The following WDR17 variants were observed in gnomAD, a reference collection of about 807,000 sequenced individuals.
The protein encoded by WDR17 is WD repeat-containing protein 17.
WDR17 carries 143 observed loss-of-function variants against 161.7 expected under a neutral mutation model. The ratio of observed to expected loss-of-function variants is 0.88; its 90% CI spans 0.77 to 1.02. WDR17 has a LOEUF of 1.02. Ranked by LOEUF, WDR17 falls within the 50% of genes least tolerant of loss-of-function variation. The pLI, the probability that WDR17 is intolerant of heterozygous loss-of-function variation, is 0.00. For synonymous variants in WDR17, 517 were observed against 515.6 expected, an observed-to-expected ratio of 1.00 and a Z score of -0.04; for missense variants, 1,469 against 1,520.9, an observed-to-expected ratio of 0.97 and a Z score of 0.57.
At chr4:176,115,469 G>T (rs1476564868) in intron 2 of WDR17, among the ~76,000 whole-genome samples, 1 of 151,644 alleles carries the variant, frequency 6.6e-6, no homozygotes. Context: ...AAAACCAAGG[G>T]TTTTTTCTTC....
chr4:176,168,811 T>A (rs1262641623), intron 23 of WDR17, 28 bp downstream of exon 23: 1 of 1,599,698 alleles, frequency 6.3e-7, no homozygotes, highest in African/African-American at 1.3e-5. Flanking sequence ...AATATTCTGG[T>A]TTGGAATGCA....
intron 16 of WDR17, among the ~76,000 whole-genome samples, chr4:176,151,143 G>C (rs1747042193): frequency 6.6e-6 from 1 of 152,166 alleles, no homozygotes; most frequent in South Asian, 2.1e-4. Flanking sequence ...TGCTCATAAA[G>C]AGCAGTTTTT....
chr4:176,089,715 G>T lies in WDR17; in HGVS notation c.-6-21860G>T, dbSNP rs532562247. 5.3e-5 allele frequency among the ~76,000 whole-genome samples: 8 copies of T among 152,248 alleles called. No homozygotes were observed. The East Asian group carries it at 1.4e-3, about 26-fold the overall frequency. On this transcript the variant is annotated intron_variant, in intron 1 of 28. Coordinates refer to ENST00000508596, the MANE Select transcript of WDR17 (RefSeq NM_181265.4). ...TTTTGCATTTCCTCAAACAGTGGCA[G>T]ATCTATGTCTTGTTTTTGGACAGAA...
At chr4:176,111,819 T>C in intron 2 of WDR17, 116 bp downstream of exon 2, 1 of 1,026,626 alleles carries the variant, frequency 9.7e-7, no homozygotes, top group Non-Finnish European at 1.3e-6. Flanking sequence ...CCATTTATAT[T>C]TATATTTTTA....
In WDR17 at chr4:176,150,520, A is replaced by G; in HGVS notation, c.2231A>G (p.Gln744Arg). ...LWNLVAVIKG[Q>R]DDSLLPQNYC... ...AACTTGGTTGCTGTGATAAAAGGAC[A>G]GGATGATAGCTTACTTCCTCAGAAC... is the stretch of plus-strand genomic sequence containing the variant. The change falls in exon 16 of 29, where the codon CAG becomes CGG. Residue 744 changes from glutamine (Q) to arginine (R), a missense_variant. Physicochemically the swap from Gln to Arg is conservative, Grantham distance 43. Coordinates refer to ENST00000508596, the MANE Select transcript of WDR17 (RefSeq NM_181265.4). 3 of 1,612,374 alleles carry G rather than the reference A, an allele frequency of 1.9e-6. No individual in the cohort carries two copies. The highest frequency in any genetic ancestry group is 1.1e-5 in the South Asian group (1 of 90,514).
At chr4:176,136,846 T>C (rs187710960) in intron 8 of WDR17, among the ~76,000 whole-genome samples, 10 of 151,674 alleles carry the variant, frequency 6.6e-5, no homozygotes, top group Admixed American at 6.6e-4. Context: ...TATCATTAAG[T>C]AGTTTCTTCA....
chr4:176,073,640 A>G (rs1473307348), intron 1 of WDR17, among the ~76,000 whole-genome samples: 2 of 149,510 alleles, frequency 1.3e-5, no homozygotes, highest in African/African-American at 2.4e-5. Flanking sequence ...TGGCTGGGTC[A>G]AATGGTATTT....
chr4:176,160,130 A>G lies in WDR17; in HGVS notation c.2658+4A>G. 6 of 1,613,242 alleles carry G rather than the reference A, an allele frequency of 3.7e-6. No individual in the cohort carries two copies. The highest frequency in any genetic ancestry group is 5.1e-6 in the Non-Finnish European group (6 of 1,179,498). ...AGAAGCTCTGCTTGTTGCACAGGTA[A>G]AACCACAGAACTACCCCAGTCACAT... On this transcript the variant is annotated splice_donor_region_variant and intron_variant, in intron 19 of 28. Coordinates refer to ENST00000508596, the MANE Select transcript of WDR17 (RefSeq NM_181265.4).
rs577596460 is a variant in WDR17 at position 176,163,225 on chromosome 4, G to C, written c.2922G>C (p.Glu974Asp). 4 of 1,613,134 alleles carry C rather than the reference G, an allele frequency of 2.5e-6. No homozygotes were observed. Among genetic ancestry groups the C allele is most frequent in the Non-Finnish European group, 3.4e-6 (4 of 1,179,668 alleles). Residue 974 changes from glutamate to aspartate, a missense_variant, in exon 22 of 29, where the codon GAG becomes GAC. Physicochemically the swap from Glu to Asp is conservative, Grantham distance 45. Coordinates refer to ENST00000508596, the MANE Select transcript of WDR17 (RefSeq NM_181265.4). ...TCTGTGTGGGCACAGTACTAGGAGA[G>C]TCTGCAGCACCAGCAACCCACTATG... Reference protein sequence around the residue: ...LAVCVGTVLGESAAPATHYAL... With the variant: ...LAVCVGTVLGDSAAPATHYAL...
At position 176,163,212 on chromosome 4, in the gene WDR17, C is replaced by G; in HGVS notation, c.2909C>G (p.Thr970Arg). 3 of 1,614,072 alleles carry G rather than the reference C, an allele frequency of 1.9e-6. No homozygotes were observed. Residue 970 changes from threonine (T) to arginine (R), a missense_variant, in exon 22 of 29, where the codon ACA becomes AGA. Thr to Arg is a moderately conservative substitution (Grantham distance 71). Transcript: ENST00000508596. The stretch of plus-strand genomic sequence containing the variant: ...CTGGAGTTGGCAGTCTGTGTGGGCA[C>G]AGTACTAGGAGAGTCTGCAGCACCA... ...NELELAVCVG[T>R]VLGESAAPAT...
intron 24 of WDR17, among the ~76,000 whole-genome samples, chr4:176,172,908 A>G (rs752829117): frequency 6.6e-6 from 1 of 152,186 alleles, no homozygotes; most frequent in African/African-American, 2.4e-5. Context: ...GCACTAAGCC[A>G]TTCATGAGGA....
chr4:176,077,301 A>T (rs1323193811), intron 1 of WDR17, among the ~76,000 whole-genome samples: 3 of 151,940 alleles, frequency 2.0e-5, no homozygotes, highest in Admixed American at 6.6e-5. Flanking sequence ...CAGGCCATGC[A>T]TGGTTTAATA....
intron 1 of WDR17, among the ~76,000 whole-genome samples, chr4:176,102,867 C>T (rs1196637742): frequency 1.3e-5 from 2 of 152,198 alleles, no homozygotes; most frequent in Non-Finnish European, 2.9e-5. Context: ...CTACTCATCC[C>T]TCACCTCAAG....
intron 22 of WDR17, among the ~76,000 whole-genome samples, chr4:176,163,539 C>T (rs182073484): frequency 6.6e-6 from 1 of 152,246 alleles, no homozygotes; most frequent in Non-Finnish European, 1.5e-5. Context: ...GTGTTTCAAG[C>T]ACTTAAAGTA....
chr4:176,149,864 C>G lies in WDR17; in HGVS notation c.1955C>G (p.Thr652Arg). Residue 652 changes from threonine (T) to arginine (R), a missense_variant, in exon 14 of 29, where the codon ACA becomes AGA. By Grantham distance (71) the Thr-to-Arg change is moderately conservative. Coordinates refer to ENST00000508596, the MANE Select transcript of WDR17 (RefSeq NM_181265.4). ...ATGGCCTCTTGCTCCCGTGACTCTA[C>G]AGTGAGACTCTGGTCATTAACAGCC... ...FTMASCSRDS[T>R]VRLWSLTALV... The G allele has an allele frequency of 6.2e-7, 1 of 1,614,130 alleles. No homozygotes were observed. The highest frequency in any genetic ancestry group is 8.5e-7 in the Non-Finnish European group (1 of 1,180,008).
chr4:176,173,461 A>C, intron 25 of WDR17, 92 bp downstream of exon 25: 1 of 762,646 alleles, frequency 1.3e-6, no homozygotes, highest in Non-Finnish European at 2.2e-6. Flanking sequence ...GGGAAATAGG[A>C]TTATCTTGGA....
At chr4:176,103,910 C>T (rs1703741511) in intron 1 of WDR17, among the ~76,000 whole-genome samples, 1 of 151,966 alleles carries the variant, frequency 6.6e-6, no homozygotes, top group Non-Finnish European at 1.5e-5. Context: ...AAGTAAATTT[C>T]CAAGAGTTTC....
intron 3 of WDR17, 26 bp from the exon 4 acceptor site, chr4:176,119,841 A>T: frequency 1.3e-6 from 2 of 1,580,508 alleles, no homozygotes; most frequent in Non-Finnish European, 1.7e-6. Flanking sequence ...TATCTTTATT[A>T]TGTATCTGTA....
intron 1 of WDR17, among the ~76,000 whole-genome samples, chr4:176,073,847 G>C (rs1244890828): frequency 6.6e-6 from 1 of 151,970 alleles, no homozygotes; most frequent in Non-Finnish European, 1.5e-5. Flanking sequence ...GCATTTCTCT[G>C]ATGGCCAGTG....
Sources: allele counts gnomAD v4.1 joint callset (sites outside exome capture counted in the v4.1 genomes callset), GRCh38; gene constraint gnomAD v4.1.1; transcripts MANE v1.5; gene names NCBI Gene and HGNC (gene_info 2026-07-23, HGNC 2026-07-21).